The following CACNA1G variants were observed in gnomAD, a reference collection of about 807,000 sequenced individuals.
The protein encoded by CACNA1G is voltage-dependent T-type calcium channel subunit alpha-1G.
Under a neutral mutation model 219.4 loss-of-function variants are expected in CACNA1G, and 67 were observed. That is an observed-to-expected ratio of 0.31 (90% confidence interval 0.25 to 0.37). The LOEUF is 0.37. CACNA1G is among the 10% of genes least tolerant of loss of function. The probability of loss-of-function intolerance (pLI) is 1.00; values close to 1 mark genes in which losing one functional copy is unlikely to be tolerated. For missense variants in CACNA1G, 2,380 were observed against 3,231.4 expected (o/e 0.74, Z 6.39); for synonymous variants, 1,296 against 1,345.3 (o/e 0.96, Z 0.80).
intron 36 of CACNA1G, 36 bp from the exon 37 acceptor site, chr17:50,624,324 T>TGCCCCCCCCCCCCCCCCCCCTG: frequency 8.5e-7 from 1 of 1,177,658 alleles, no homozygotes; most frequent in Non-Finnish European, 1.2e-6. Context: ...CTCCATTCTC[T>TGCCCCCCCCCCCCCCCCCCCTG]CCCCCCACCC....
chr17:50,572,083 G>C lies in CACNA1G; in HGVS notation c.746+46G>C, dbSNP rs1040952606. The C allele has an allele frequency of 2.5e-6, 4 of 1,581,446 alleles. No homozygotes were observed. The Admixed American group carries it at 6.9e-5, about 27-fold the overall frequency. ...AGGGAGGACCTGGGAGTGGTTATGG[G>C]GCTGGGCACCCCCCCAAGTTCCTCA... On this transcript the variant is annotated intron_variant, in intron 5 of 37. Coordinates refer to ENST00000359106, the MANE Select transcript of CACNA1G (RefSeq NM_018896.5).
At chr17:50,569,372 G>A (rs754234255) in intron 3 of CACNA1G, 74 bp downstream of exon 3, 2 of 1,516,068 alleles carry the variant, frequency 1.3e-6, no homozygotes, top group Non-Finnish European at 1.8e-6. Flanking sequence ...TTCTGGGCCT[G>A]TGACCTCTCA....
chr17:50,617,788 G>A lies in CACNA1G; in HGVS notation c.5156-71G>A, dbSNP rs111841970. On this transcript the variant is annotated intron_variant, in intron 29 of 37. Coordinates refer to ENST00000359106, the MANE Select transcript of CACNA1G (RefSeq NM_018896.5). The surrounding 1 kb of genome is among the most constrained non-coding windows in gnomAD (Gnocchi z 5.8). The stretch of plus-strand genomic sequence containing the variant: ...ATCCCAGCAGCCCCAGCCCAGCCCT[G>A]GTCCTGACTCTGCCAGCTGTCTGGC... The A allele has an allele frequency of 5.8e-6, 9 of 1,564,802 alleles. No homozygotes were observed. The African/African-American group carries it at 8.1e-5, about 14-fold the overall frequency.
At chr17:50,564,680 T>G (rs926568100) in intron 1 of CACNA1G, among the ~76,000 whole-genome samples, 1 of 152,246 alleles carries the variant, frequency 6.6e-6, no homozygotes, top group African/African-American at 2.4e-5. Flanking sequence ...GCCCCAAGTC[T>G]GCCTATTTCT....
intron 26 of CACNA1G, among the ~76,000 whole-genome samples, chr17:50,614,505 G>GC (rs2049999360): frequency 6.6e-6 from 1 of 152,204 alleles, no homozygotes; most frequent in African/African-American, 2.4e-5. Context: ...GAAATCTCCT[G>GC]CCCCCAGATT....
intron 7 of CACNA1G, among the ~76,000 whole-genome samples, chr17:50,574,200 C>T (rs1214988185): frequency 6.6e-6 from 1 of 152,150 alleles, no homozygotes; most frequent in African/African-American, 2.4e-5. Flanking sequence ...AGAATTCAGT[C>T]CCAGGCTAAC....
chr17:50,607,984 A>G lies in CACNA1G; in HGVS notation c.4670A>G (p.Glu1557Gly). ...QEEEEARRRE[E>G]KRLRRLEKKR... ...GAAGAGGAGGCCCGGCGGCGGGAGG[A>G]GAAGCGCCTACGAAGACTGGAGAAA... The change falls in exon 25 of 38, where the codon GAG (glutamate) becomes GGG (glycine). Residue 1557 changes from glutamate (E) to glycine (G), a missense_variant. By Grantham distance (98) the Glu-to-Gly change is moderately conservative (BLOSUM62 -2). Transcript: ENST00000359106. 1.9e-6 allele frequency: 3 copies of G among 1,612,920 alleles called. No homozygotes were observed. The highest frequency in any genetic ancestry group is 2.5e-6 in the Non-Finnish European group (3 of 1,179,442).
At position 50,578,358 on chromosome 17, in the gene CACNA1G, G is replaced by A. The variant is rs773232530; in HGVS notation, c.2095G>A (p.Asp699Asn). The A allele has an allele frequency of 6.2e-7, 1 of 1,613,088 alleles. No individual in the cohort carries two copies. Among genetic ancestry groups the A allele is most frequent in the South Asian group, 1.1e-5 (1 of 91,056 alleles). The change falls in exon 9 of 38, where the codon GAT (aspartate) becomes AAT (asparagine). Residue 699 changes from aspartate to asparagine, a missense_variant. Coordinates refer to ENST00000359106, the MANE Select transcript of CACNA1G (RefSeq NM_018896.5). The surrounding 1 kb of genome is among the most constrained non-coding windows in gnomAD (Gnocchi z 4.5). ...CGAGGCAGTTTATGAGTTCACACAG[G>A]ATGCCCAGCACAGCGACCTCCGGGA... ...DSEAVYEFTQ[D>N]AQHSDLRDPH...
chr17:50,568,719 G>A (rs549136500), intron 1 of CACNA1G, 151 bp from the exon 2 acceptor site: 2 of 676,982 alleles, frequency 3.0e-6, no homozygotes, highest in Non-Finnish European at 5.4e-6. Context: ...CTGGGGCTGG[G>A]GGCTGGTCTG....
chr17:50,603,179 G>A lies in CACNA1G; in HGVS notation c.4149G>A (p.Leu1383=), dbSNP rs1286823024. The A allele has an allele frequency of 1.2e-6, 2 of 1,605,946 alleles. No individual in the cohort carries two copies. The highest frequency in any genetic ancestry group is 1.7e-6 in the Non-Finnish European group (2 of 1,179,678). ...ILGMLRVLRL[L]RTLRPLRVIS... ...GCATGCTGAGGGTGCTGCGGCTGCT[G>A]CGGACCCTGCGCCCGCTCAGGTGAC... The change falls in exon 21 of 38, where the codon CTG becomes CTA. Residue 1383 remains leucine, a synonymous_variant. Coordinates refer to ENST00000359106, the MANE Select transcript of CACNA1G (RefSeq NM_018896.5). This position sits in a 1 kb window ranked among gnomAD's most constrained non-coding sequence, Gnocchi z 6.4.
intron 26 of CACNA1G, 94 bp downstream of exon 26, chr17:50,610,029 G>T: frequency 7.5e-7 from 1 of 1,332,586 alleles, no homozygotes. Context: ...GGGTGAAAGG[G>T]TGAGGGTCCC....
At chr17:50,611,400 A>ATGT (rs771780700) in intron 26 of CACNA1G, among the ~76,000 whole-genome samples, 4 of 151,646 alleles carry the variant, frequency 2.6e-5, no homozygotes, top group Non-Finnish European at 5.9e-5. Context: ...TGCCCTGGGG[A>ATGT]TGTTGGGTGT....
intron 23 of CACNA1G, 194 bp downstream of exon 23, chr17:50,606,217 T>C (rs552822896): frequency 3.2e-5 from 26 of 810,748 alleles, no homozygotes; most frequent in African/African-American, 8.4e-5. Context: ...AGTGGGCCCA[T>C]GGGGTCTCTA....
chr17:50,567,619 T>C (rs1463880639), intron 1 of CACNA1G, among the ~76,000 whole-genome samples: 1 of 152,106 alleles, frequency 6.6e-6, no homozygotes, highest in Non-Finnish European at 1.5e-5. Context: ...GCTGCCACAA[T>C]ACCTCCCCCA....
intron 1 of CACNA1G, chr17:50,563,792 TG>T (rs950515478): frequency 3.3e-5 from 5 of 152,370 alleles, no homozygotes; most frequent in African/African-American, 4.8e-5. Flanking sequence ...TGGCTGAGGA[TG>T]GGTTGAGAAC....
At chr17:50,574,274 C>A (rs1021296754) in intron 7 of CACNA1G, among the ~76,000 whole-genome samples, 1 of 152,178 alleles carries the variant, frequency 6.6e-6, no homozygotes, top group African/African-American at 2.4e-5. Context: ...GACAGAGGGA[C>A]AGACATTGAG....
chr17:50,613,957 C>G (rs1279828078), intron 26 of CACNA1G, among the ~76,000 whole-genome samples: 1 of 152,246 alleles, frequency 6.6e-6, no homozygotes, highest in Non-Finnish European at 1.5e-5. Flanking sequence ...GCTGGCCGAT[C>G]TCTGAAAACA....
intron 26 of CACNA1G, among the ~76,000 whole-genome samples, chr17:50,613,066 C>T (rs2146133393): frequency 6.6e-6 from 1 of 152,352 alleles, no homozygotes; most frequent in Admixed American, 6.5e-5. Flanking sequence ...GGCAGACCAT[C>T]CAGGGGTGTC....
intron 19 of CACNA1G, among the ~76,000 whole-genome samples, chr17:50,602,599 C>T (rs760362770): frequency 2.0e-5 from 3 of 152,192 alleles, no homozygotes; most frequent in East Asian, 1.9e-4. Flanking sequence ...GCTCTGGTCA[C>T]AGACAGGGGT....
Sources: gnomAD v4.1 joint callset for allele counts (sites outside exome capture counted in the v4.1 genomes callset) on GRCh38, gnomAD v4.1.1 for gene constraint, Gnocchi (gnomAD v3.1) non-coding constraint, MANE v1.5 for transcripts, NCBI Gene and HGNC (gene_info 2026-07-23, HGNC 2026-07-21) for gene names.